The following TAF4B variants were observed in gnomAD, a reference collection of about 807,000 sequenced individuals.
The protein encoded by TAF4B is transcription initiation factor TFIID subunit 4B.
TAF4B carries 38 observed loss-of-function variants against 86.4 expected under a neutral mutation model. The observed-to-expected ratio is 0.44, with a 90% CI of 0.34 to 0.58. TAF4B has a LOEUF of 0.58. TAF4B is among the 20% of genes least tolerant of loss of function. The pLI, the probability that TAF4B is intolerant of heterozygous loss-of-function variation, is 0.02. For missense variants in TAF4B, 988 were observed against 1,027.6 expected, an observed-to-expected ratio of 0.96 and a Z score of 0.53; for synonymous variants, 388 against 391.2, an observed-to-expected ratio of 0.99 and a Z score of 0.10.
intron 13 of TAF4B, among the ~76,000 whole-genome samples, chr18:26,354,923 T>C (rs1179920544): frequency 6.6e-6 from 1 of 152,246 alleles, no homozygotes; most frequent in Non-Finnish European, 1.5e-5. Flanking sequence ...TAGAATCAAC[T>C]TATCCATATC....
intron 11 of TAF4B, among the ~76,000 whole-genome samples, chr18:26,323,570 C>T (rs2056980448): frequency 1.3e-5 from 2 of 150,420 alleles, no homozygotes; most frequent in Admixed American, 1.3e-4. Context: ...CTATGTTGCC[C>T]ATGCTGTGGA....
chr18:26,300,368 A>G (rs28566922), intron 9 of TAF4B, among the ~76,000 whole-genome samples: 16,673 of 149,030 alleles, frequency 0.11, 953 homozygotes, highest in African/African-American at 0.14. Flanking sequence ...ACATTTCCTC[A>G]TTTGAGCTGA....
In TAF4B at chr18:26,359,226, G is replaced by C. The variant is rs564470490; in HGVS notation, c.2421+1432G>C. On this transcript the variant is annotated intron_variant, in intron 14 of 14. Transcript: ENST00000269142. The stretch of plus-strand genomic sequence containing the variant: ...CTTTTTAAGGGTGTATGACATTACT[G>C]TATTTAAGTAAACCATAATTTATTC... Among the ~76,000 whole-genome samples the C allele has an allele frequency of 2.6e-5, 4 of 152,202 alleles. No homozygotes were observed. The South Asian group carries it at 6.2e-4, about 24-fold the overall frequency.
At chr18:26,378,108 G>A (rs1226219075) in intron 14 of TAF4B, among the ~76,000 whole-genome samples, 1 of 152,088 alleles carries the variant, frequency 6.6e-6, no homozygotes, top group African/African-American at 2.4e-5. Flanking sequence ...TGTGTGAAGG[G>A]GTGGTGTTTT....
chr18:26,238,496 T>C (rs1211189022), intron 1 of TAF4B, among the ~76,000 whole-genome samples: 1 of 152,212 alleles, frequency 6.6e-6, no homozygotes, highest in African/African-American at 2.4e-5. Flanking sequence ...GCAAAAATTA[T>C]GTCTGATTGG....
At chr18:26,366,940 ATTG>A (rs2057375876) in intron 14 of TAF4B, among the ~76,000 whole-genome samples, 1 of 152,182 alleles carries the variant, frequency 6.6e-6, no homozygotes, top group African/African-American at 2.4e-5. Flanking sequence ...AGATCATACT[ATTG>A]TTTTCCTCAA....
At position 26,365,876 on chromosome 18, in the gene TAF4B, A is replaced by G. The variant is rs149083394; in HGVS notation, c.2421+8082A>G. ...GCGATCTCAGCTCACTGCAACCTCC[A>G]CCTCCCAGGCTCATGCCATCCTTCC... On this transcript the variant is annotated intron_variant, in intron 14 of 14. Coordinates refer to ENST00000269142, the MANE Select transcript of TAF4B (RefSeq NM_005640.3). 4.9e-3 allele frequency among the ~76,000 whole-genome samples: 740 copies of G among 151,840 alleles called. 8 individuals are homozygous for G. The highest frequency in any genetic ancestry group is 0.017 in the African/African-American group (701 of 41,410).
At chr18:26,255,593 ACT>A (rs1481256727) in intron 1 of TAF4B, 3 of 581,752 alleles carry the variant, frequency 5.2e-6, no homozygotes, top group African/African-American at 2.7e-5. Flanking sequence ...CAAGAGCAAA[ACT>A]CTGTCTCCAA....
intron 14 of TAF4B, among the ~76,000 whole-genome samples, chr18:26,363,739 A>G (rs572739623): frequency 6.6e-6 from 1 of 152,346 alleles, no homozygotes; most frequent in Non-Finnish European, 1.5e-5. Flanking sequence ...TCTGGAAACA[A>G]AGCCTTTACT....
At chr18:26,228,606 A>G (rs1568087445) in intron 1 of TAF4B, among the ~76,000 whole-genome samples, 1 of 149,952 alleles carries the variant, frequency 6.7e-6, no homozygotes, top group Non-Finnish European at 1.5e-5. Context: ...TAGTCACTGA[A>G]GTTTGTTTAT....
At chr18:26,326,753 C>G (rs903417525) in intron 11 of TAF4B, among the ~76,000 whole-genome samples, 7 of 152,186 alleles carry the variant, frequency 4.6e-5, no homozygotes, top group Admixed American at 3.9e-4. Flanking sequence ...CCCCCTTCAC[C>G]CCACAATGAT....
chr18:26,288,099 A>G (rs2056547413), intron 7 of TAF4B, among the ~76,000 whole-genome samples: 1 of 152,204 alleles, frequency 6.6e-6, no homozygotes, highest in African/African-American at 2.4e-5. Context: ...CCCCAAGGAA[A>G]GGCCTCTTTT....
chr18:26,228,856 G>A (rs1008780646), intron 1 of TAF4B, among the ~76,000 whole-genome samples: 2 of 152,086 alleles, frequency 1.3e-5, no homozygotes, highest in African/African-American at 2.4e-5. Context: ...GAGGATTGGG[G>A]CCTTATCATG....
At chr18:26,336,819 C>A (rs913397660) in intron 13 of TAF4B, among the ~76,000 whole-genome samples, 2 of 152,204 alleles carry the variant, frequency 1.3e-5, no homozygotes, top group Non-Finnish European at 2.9e-5. Context: ...CAACAGAAAG[C>A]TTACCCTTTT....
chr18:26,306,328 A>G (rs1205161090), intron 9 of TAF4B, among the ~76,000 whole-genome samples: 2 of 152,054 alleles, frequency 1.3e-5, no homozygotes, highest in Non-Finnish European at 2.9e-5. Flanking sequence ...TATCAAATCT[A>G]CCTCCTTAGA....
chr18:26,243,793 C>T (rs893793125), intron 1 of TAF4B, among the ~76,000 whole-genome samples: 1 of 152,110 alleles, frequency 6.6e-6, no homozygotes, highest in African/African-American at 2.4e-5. Context: ...TGTTAGTTTT[C>T]CTTCTAACAG....
In TAF4B at chr18:26,285,094, G is replaced by A. The variant is rs566351096; in HGVS notation, c.973-788G>A. ...GTGATCCTCCAACCTCAGCCCCTGC[G>A]GTAGCTGGGACTACAGGCATGCACC... On this transcript the variant is annotated intron_variant, in intron 6 of 14. Transcript: ENST00000269142. Among the ~76,000 whole-genome samples, 449 of 150,922 alleles carry A rather than the reference G, an allele frequency of 3.0e-3. 5 individuals are homozygous for A. The highest frequency in any genetic ancestry group is 0.01 in the African/African-American group (431 of 41,226).
chr18:26,258,240 G>A (rs1229498427), intron 1 of TAF4B, among the ~76,000 whole-genome samples: 124 of 148,088 alleles, frequency 8.4e-4, no homozygotes, highest in Non-Finnish European at 1.5e-3. Flanking sequence ...GTGACAGAGC[G>A]AGACTCCATC....
intron 3 of TAF4B, among the ~76,000 whole-genome samples, chr18:26,271,258 A>G (rs1271149610): frequency 6.6e-6 from 1 of 152,250 alleles, no homozygotes; most frequent in Non-Finnish European, 1.5e-5. Context: ...TAACACAAGA[A>G]CTAGTTAGAA....
Sources: gnomAD v4.1 joint callset for allele counts (sites outside exome capture counted in the v4.1 genomes callset) on GRCh38, gnomAD v4.1.1 for gene constraint, MANE v1.5 for transcripts, NCBI Gene and HGNC (gene_info 2026-07-23, HGNC 2026-07-21) for gene names.